Variants in RBFOX1 observed in about 807,000 individuals in gnomAD.
The protein encoded by RBFOX1 is RNA binding protein fox-1 homolog 1.
In RBFOX1, 8 loss-of-function variants were observed where a neutral mutation model predicts 57.7. The observed-to-expected ratio is 0.14, with a 90% CI of 0.08 to 0.25. The LOEUF is 0.25. Among genes scored for constraint, RBFOX1 ranks in the 10% least tolerant of loss-of-function variants. The probability of loss-of-function intolerance (pLI) is 1.00; values close to 1 mark genes in which losing one functional copy is unlikely to be tolerated. For synonymous variants in RBFOX1, 326 were observed against 222.4 expected (o/e 1.47, Z -4.15); for missense variants, 611 against 548.5 (o/e 1.11, Z -1.14).
intron 3 of RBFOX1, among the ~76,000 whole-genome samples, chr16:5,740,427 T>C (rs1247773816): frequency 2.0e-5 from 3 of 152,220 alleles, no homozygotes; most frequent in Non-Finnish European, 2.9e-5. Flanking sequence ...GACTTGCATA[T>C]TGGACACTAT....
intron 2 of RBFOX1, among the ~76,000 whole-genome samples, chr16:6,350,983 G>A (rs541457895): frequency 6.6e-6 from 1 of 152,256 alleles, no homozygotes; most frequent in South Asian, 2.1e-4. Context: ...ACAGGCAGTG[G>A]GCACTTGGCT....
chr16:5,695,257 G>C (rs781202654), intron 3 of RBFOX1, among the ~76,000 whole-genome samples: 1 of 151,984 alleles, frequency 6.6e-6, no homozygotes, highest in Non-Finnish European at 1.5e-5. Context: ...AAGTGGAGTG[G>C]ATAATTTAAG....
Position 7,571,072 on chromosome 16 carries a change from G to C in RBFOX1, c.271-8705G>C, listed in dbSNP as rs538828537. ...ACAGGGAGGGGAACAACACACACTG[G>C]GGGAAGGGGCGAAGGGAGAGCATCA... On this transcript the variant is annotated intron_variant, in intron 5 of 15. Transcript: ENST00000550418. 3.9e-5 allele frequency among the ~76,000 whole-genome samples: 6 copies of C among 152,274 alleles called. No homozygotes were observed. In the South Asian group the frequency reaches 1.2e-3, roughly 32 times the overall value.
At chr16:7,482,713 G>C (rs2064312341) in intron 4 of RBFOX1, among the ~76,000 whole-genome samples, 1 of 151,846 alleles carries the variant, frequency 6.6e-6, no homozygotes, top group African/African-American at 2.4e-5. Flanking sequence ...AATCCACAAT[G>C]ATGAAGGAAT....
chr16:7,516,382 C>T (rs1490807429), intron 4 of RBFOX1, among the ~76,000 whole-genome samples: 3 of 152,020 alleles, frequency 2.0e-5, no homozygotes, highest in Non-Finnish European at 2.9e-5. Flanking sequence ...TGGCTCATCT[C>T]GTAGCGACTG....
At chr16:7,269,105 C>A (rs1307045774) in intron 4 of RBFOX1, among the ~76,000 whole-genome samples, 2 of 149,568 alleles carry the variant, frequency 1.3e-5, no homozygotes, top group East Asian at 3.9e-4. Flanking sequence ...CCCTCACAGC[C>A]CATAGTCCTT....
chr16:7,330,102 G>C (rs1304069693), intron 4 of RBFOX1, among the ~76,000 whole-genome samples: 1 of 152,034 alleles, frequency 6.6e-6, no homozygotes, highest in African/African-American at 2.4e-5. Flanking sequence ...ATTTGTCATG[G>C]CCTGAAATGC....
intron 4 of RBFOX1, among the ~76,000 whole-genome samples, chr16:7,132,601 A>C (rs1360426061): frequency 1.3e-5 from 2 of 149,158 alleles, no homozygotes; most frequent in Non-Finnish European, 2.9e-5. Context: ...ACTATTTGTA[A>C]AGCTGAAAAA....
At chr16:5,669,127 G>A (rs1380012237) in intron 3 of RBFOX1, among the ~76,000 whole-genome samples, 2 of 152,132 alleles carry the variant, frequency 1.3e-5, no homozygotes, top group East Asian at 3.9e-4. Flanking sequence ...TAATCTCATG[G>A]AGCTGAAAAT....
At chr16:6,956,005 C>T (rs148079978) in intron 3 of RBFOX1, among the ~76,000 whole-genome samples, 5 of 152,308 alleles carry the variant, frequency 3.3e-5, no homozygotes, top group South Asian at 2.1e-4. Flanking sequence ...CAGACCCGGC[C>T]TCCATCACTT....
intron 4 of RBFOX1, among the ~76,000 whole-genome samples, chr16:7,362,497 G>A (rs2097347301): frequency 6.8e-6 from 1 of 146,326 alleles, no homozygotes; most frequent in Admixed American, 6.6e-5. Flanking sequence ...GTATATGTTA[G>A]TATGTGCATG....
At chr16:5,376,527 C>T (rs974108339) in intron 1 of RBFOX1, among the ~76,000 whole-genome samples, 8 of 152,086 alleles carry the variant, frequency 5.3e-5, no homozygotes, top group African/African-American at 7.2e-5. Context: ...GTGGGAGAGT[C>T]GGGAAAGGCA....
At chr16:7,399,943 A>G (rs2098212989) in intron 4 of RBFOX1, among the ~76,000 whole-genome samples, 1 of 152,214 alleles carries the variant, frequency 6.6e-6, no homozygotes, top group South Asian at 2.1e-4. Context: ...TCTGTGGGCG[A>G]TGACTATGTA....
chr16:7,172,514 T>TCTGAAATTAGCACTACCTC (rs1220808738), intron 4 of RBFOX1, among the ~76,000 whole-genome samples: 1 of 152,168 alleles, frequency 6.6e-6, no homozygotes. Flanking sequence ...AGTGCTACCT[T>TCTGAAATTAGCACTACCTC]CTGCAAATTA....
At chr16:7,167,901 G>A (rs979340984) in intron 4 of RBFOX1, among the ~76,000 whole-genome samples, 2 of 152,124 alleles carry the variant, frequency 1.3e-5, no homozygotes, top group African/African-American at 4.8e-5. Context: ...CTAGGGAGGT[G>A]TTTAATTTAT....
chr16:7,492,960 C>T (rs181611394), intron 4 of RBFOX1, among the ~76,000 whole-genome samples: 1 of 152,216 alleles, frequency 6.6e-6, no homozygotes, highest in East Asian at 1.9e-4. Context: ...CTCACTGCAA[C>T]CTCCGCCTCC....
At chr16:7,099,753 T>C (rs1258149408) in intron 4 of RBFOX1, among the ~76,000 whole-genome samples, 1 of 152,126 alleles carries the variant, frequency 6.6e-6, no homozygotes, top group Admixed American at 6.5e-5. Context: ...AGGTCATAGG[T>C]AGATTTACAC....
chr16:7,220,084 T>C (rs778681010), intron 4 of RBFOX1, among the ~76,000 whole-genome samples: 5 of 152,180 alleles, frequency 3.3e-5, no homozygotes, highest in Non-Finnish European at 5.9e-5. Context: ...GAGAGATCAA[T>C]TGTGTGTATC....
intron 2 of RBFOX1, among the ~76,000 whole-genome samples, chr16:6,506,296 C>T (rs898298813): frequency 6.6e-6 from 1 of 152,016 alleles, no homozygotes; most frequent in Non-Finnish European, 1.5e-5. Flanking sequence ...GTAGTGACAG[C>T]AGCCAGCAGG....
Sources: allele counts gnomAD v4.1 joint callset (sites outside exome capture counted in the v4.1 genomes callset), GRCh38; gene constraint gnomAD v4.1.1; transcripts MANE v1.5; gene names NCBI Gene and HGNC (gene_info 2026-07-23, HGNC 2026-07-21).